The following ERBB4 variants were observed in gnomAD, a reference collection of about 807,000 sequenced individuals.
The protein encoded by ERBB4 is erb-b2 receptor tyrosine kinase 4, also known as receptor tyrosine-protein kinase erbB-4.
Under a neutral mutation model 158.0 loss-of-function variants are expected in ERBB4, and 42 were observed. The ratio of observed to expected loss-of-function variants is 0.27; its 90% CI spans 0.21 to 0.34. ERBB4 has a LOEUF of 0.34. Ranked by LOEUF, ERBB4 falls within the 10% of genes least tolerant of loss-of-function variation. The probability of loss-of-function intolerance (pLI) is 1.00; values close to 1 mark genes in which losing one functional copy is unlikely to be tolerated. For synonymous variants in ERBB4, 583 were observed against 558.7 expected (o/e 1.04, Z -0.61); for missense variants, 1,333 against 1,624.1 (o/e 0.82, Z 3.08).
At chr2:211,981,719 T>C (rs1436070312) in intron 2 of ERBB4, among the ~76,000 whole-genome samples, 1 of 152,192 alleles carries the variant, frequency 6.6e-6, no homozygotes, top group Non-Finnish European at 1.5e-5. Flanking sequence ...GCAGAACTAA[T>C]CATTTTATCT....
intron 2 of ERBB4, among the ~76,000 whole-genome samples, chr2:212,054,099 A>G (rs2077480999): frequency 6.6e-6 from 1 of 152,076 alleles, no homozygotes; most frequent in South Asian, 2.1e-4. Flanking sequence ...AGGGAAGAGT[A>G]TTGCACCTGT....
At chr2:211,464,284 G>A (rs139361791) in intron 20 of ERBB4, among the ~76,000 whole-genome samples, 3 of 152,254 alleles carry the variant, frequency 2.0e-5, no homozygotes, top group African/African-American at 4.8e-5. Flanking sequence ...ATAGGCACTC[G>A]CCAAATATTT....
chr2:212,429,383 A>G (rs1164436052), intron 1 of ERBB4: 1 of 152,312 alleles, frequency 6.6e-6, no homozygotes, highest in African/African-American at 2.4e-5. Flanking sequence ...GCTTCCAACA[A>G]TCAGAACACA....
intron 2 of ERBB4, among the ~76,000 whole-genome samples, chr2:212,100,648 G>A (rs1366270471): frequency 6.6e-6 from 1 of 152,158 alleles, no homozygotes; most frequent in African/African-American, 2.4e-5. Flanking sequence ...CTGAACCTCA[G>A]GGGAATGGCC....
In ERBB4 at chr2:212,061,661, G is replaced by A. The variant is rs545050377; in HGVS notation, c.234+63091C>T. On this transcript the variant is annotated intron_variant, in intron 2 of 27. Coordinates refer to ENST00000342788, the MANE Select transcript of ERBB4 (RefSeq NM_005235.3). ...GGGTGGGAACTGTTATGTGGATTAT[G>A]TGCACCTGCAAAATGGGTCCCAAAC... 1.5e-4 allele frequency among the ~76,000 whole-genome samples: 22 copies of A among 151,628 alleles called. No individual in the cohort carries two copies. The South Asian group carries it at 4.6e-3, about 32-fold the overall frequency.
At chr2:211,707,554 T>G in intron 9 of ERBB4, among the ~76,000 whole-genome samples, 1 of 152,194 alleles carries the variant, frequency 6.6e-6, no homozygotes, top group East Asian at 1.9e-4. Context: ...GGCTACTATG[T>G]AAACCCTTTC....
chr2:212,126,220 T>C (rs981439589), intron 1 of ERBB4, among the ~76,000 whole-genome samples: 33 of 152,164 alleles, frequency 2.2e-4, no homozygotes, highest in African/African-American at 7.7e-4. Flanking sequence ...TCGCAGCACT[T>C]TGGGAGGCCG....
intron 16 of ERBB4, among the ~76,000 whole-genome samples, chr2:211,645,082 G>T (rs2070738187): frequency 1.3e-5 from 2 of 150,030 alleles, no homozygotes; most frequent in Non-Finnish European, 3.0e-5. Context: ...GTATTTATTG[G>T]GATCACTAAG....
chr2:212,293,847 C>CAAA (rs1201724620), intron 1 of ERBB4, among the ~76,000 whole-genome samples: 2,307 of 63,576 alleles, frequency 0.036, 508 homozygotes, highest in African/African-American at 0.1. Context: ...GACTCTGTCT[C>CAAA]AAAAAAAAAA....
At chr2:212,422,188 T>G (rs767963548) in intron 1 of ERBB4, among the ~76,000 whole-genome samples, 3 of 152,142 alleles carry the variant, frequency 2.0e-5, no homozygotes, top group Non-Finnish European at 4.4e-5. Flanking sequence ...TGGTGAATTG[T>G]CACAAAAGCA....
chr2:211,763,750 A>T (rs2075474664), intron 4 of ERBB4, among the ~76,000 whole-genome samples: 1 of 152,084 alleles, frequency 6.6e-6, no homozygotes, highest in African/African-American at 2.4e-5. Flanking sequence ...TGGATAACAA[A>T]TTGGAAAAGA....
chr2:211,639,034 G>A (rs895686093), intron 16 of ERBB4, among the ~76,000 whole-genome samples: 6 of 152,080 alleles, frequency 3.9e-5, no homozygotes, highest in South Asian at 2.1e-4. Context: ...TGTTGAAAAC[G>A]AATTACGCCA....
chr2:212,253,024 C>T (rs1170922354), intron 1 of ERBB4, among the ~76,000 whole-genome samples: 1 of 152,094 alleles, frequency 6.6e-6, no homozygotes, highest in Non-Finnish European at 1.5e-5. Context: ...CATCTACATC[C>T]TATGTTTACA....
chr2:211,957,572 G>T (rs839509), intron 2 of ERBB4, among the ~76,000 whole-genome samples: 31,346 of 151,968 alleles, frequency 0.21, 3,529 homozygotes, highest in African/African-American at 0.29. Flanking sequence ...TGTGCCTCAG[G>T]ATCTTTATCT....
At chr2:211,773,309 T>C (rs2075763012) in intron 4 of ERBB4, among the ~76,000 whole-genome samples, 2 of 151,624 alleles carry the variant, frequency 1.3e-5, no homozygotes, top group African/African-American at 4.8e-5. Context: ...AATTATAAAC[T>C]GTTGAGACTA....
At chr2:212,516,382 C>A (rs1691844081) in intron 1 of ERBB4, among the ~76,000 whole-genome samples, 1 of 152,002 alleles carries the variant, frequency 6.6e-6, no homozygotes, top group South Asian at 2.1e-4. Flanking sequence ...TCTATTATTT[C>A]TCCTCCATTT....
At chr2:212,104,949 A>C (rs955587970) in intron 2 of ERBB4, among the ~76,000 whole-genome samples, 1 of 152,178 alleles carries the variant, frequency 6.6e-6, no homozygotes, top group African/African-American at 2.4e-5. Flanking sequence ...TGAGACTGCA[A>C]AATGTTAACG....
chr2:212,306,485 T>A (rs1306516320), intron 1 of ERBB4, among the ~76,000 whole-genome samples: 1 of 151,450 alleles, frequency 6.6e-6, no homozygotes, highest in Non-Finnish European at 1.5e-5. Flanking sequence ...TATATGGCAC[T>A]GGGAATACCA....
intron 1 of ERBB4, among the ~76,000 whole-genome samples, chr2:212,168,854 G>A (rs2081426923): frequency 6.6e-6 from 1 of 152,064 alleles, no homozygotes; most frequent in African/African-American, 2.4e-5. Context: ...TAGAGTTGAG[G>A]TTGGAATTAC....
Sources: gnomAD v4.1 joint callset for allele counts (sites outside exome capture counted in the v4.1 genomes callset) on GRCh38, gnomAD v4.1.1 for gene constraint, MANE v1.5 for transcripts, NCBI Gene and HGNC (gene_info 2026-07-23, HGNC 2026-07-21) for gene names.